HDAC11: variants seen among roughly 807,000 people sequenced by gnomAD.
HDAC11 encodes histone deacetylase 11.
Under a neutral mutation model 41.1 loss-of-function variants are expected in HDAC11, and 23 were observed. That is an observed-to-expected ratio of 0.56 (90% CI 0.40 to 0.79). The LOEUF is 0.79. Ranked by LOEUF, HDAC11 falls within the 30% of genes least tolerant of loss-of-function variation. The pLI is 0.00. For missense variants in HDAC11, 402 were observed against 477.3 expected, an observed-to-expected ratio of 0.84 and a Z score of 1.47; for synonymous variants, 187 against 186.6, an observed-to-expected ratio of 1.00 and a Z score of -0.02.
intron 5 of HDAC11, among the ~76,000 whole-genome samples, chr3:13,499,388 T>C (rs1450064487): frequency 6.6e-6 from 1 of 152,158 alleles, no homozygotes; most frequent in Non-Finnish European, 1.5e-5. Context: ...AGGCTGGGTC[T>C]TGAACTCCCG....
rs1324782038 is a variant in HDAC11 at position 13,500,776 on chromosome 3, C to T, written c.476C>T (p.Thr159Met). 6.4e-6 allele frequency: 10 copies of T among 1,574,490 alleles called. No individual in the cohort carries two copies. The highest frequency in any genetic ancestry group is 7.8e-6 in the Non-Finnish European group (9 of 1,158,186). ...GGGFCAYADI[T>M]LAIKFLFERV... ...GGCTTCTGTGCCTATGCGGACATCA[C>T]GCTCGCCATCAAGGTGTGTCTATGA... The change falls in exon 6 of 10, where the codon ACG (threonine) becomes ATG (methionine). Residue 159 changes from threonine (T) to methionine (M), a missense_variant. Coordinates refer to ENST00000295757, the MANE Select transcript of HDAC11 (RefSeq NM_024827.4).
rs1170082623 is a variant in HDAC11, at chr3:13,481,513, C to T, written c.151+119C>T. ...ATCTTCAGTTTCAGCCCTCGGATGG[C>T]CTTCCACCCATGCTTCCGCCCAAAA... On this transcript the variant is annotated intron_variant, in intron 2 of 9. Transcript: ENST00000295757. The T allele has an allele frequency of 1.3e-5, 15 of 1,125,354 alleles. No homozygotes were observed. The East Asian group carries it at 3.3e-4, about 25-fold the overall frequency. 69.7% of individuals were successfully genotyped at this position (1,125,354 alleles called of 1,614,324 possible). A position where few individuals can be genotyped will look rare whatever the true frequency, so the allele number is the denominator to read the frequency against.
At chr3:13,498,208 C>A (rs1702191354) in intron 4 of HDAC11, among the ~76,000 whole-genome samples, 2 of 152,190 alleles carry the variant, frequency 1.3e-5, no homozygotes, top group South Asian at 4.1e-4. Context: ...CTTTGAAAGC[C>A]ATATCAAAAT....
chr3:13,484,156 G>A (rs950621505), intron 3 of HDAC11, among the ~76,000 whole-genome samples: 7 of 152,124 alleles, frequency 4.6e-5, no homozygotes, highest in Non-Finnish European at 8.8e-5. Flanking sequence ...TAGAGATGTG[G>A]TTTCGCCGTG....
chr3:13,480,498 T>C lies in HDAC11; in HGVS notation c.2+149T>C. On this transcript the variant is annotated intron_variant, in intron 1 of 9. Transcript: ENST00000295757. The surrounding 1 kb of genome is among the most constrained non-coding windows in gnomAD (Gnocchi z 4.6). ...GGTGAGGGACGCTCGGGACGGGTGT[T>C]TCCAGGCCCTCCCGGCGCGCCAGGC... 1 of 389,226 alleles carries C rather than the reference T, an allele frequency of 2.6e-6. No homozygotes were observed. The highest frequency in any genetic ancestry group is 4.2e-6 in the Non-Finnish European group (1 of 238,972). The allele number at this position is 389,226 out of a possible 1,614,324, so 24.1% of individuals were successfully genotyped here.
intron 5 of HDAC11, among the ~76,000 whole-genome samples, chr3:13,500,352 C>A (rs1170460462): frequency 1.3e-5 from 2 of 152,156 alleles, no homozygotes; most frequent in Non-Finnish European, 2.9e-5. Flanking sequence ...TGGCCACTGG[C>A]AGAATCCGTG....
chr3:13,503,415 T>G (rs531047182), intron 8 of HDAC11, among the ~76,000 whole-genome samples: 1 of 152,196 alleles, frequency 6.6e-6, no homozygotes, highest in East Asian at 1.9e-4. Flanking sequence ...AAATACAAAA[T>G]TAGCTGGATG....
At position 13,486,285 on chromosome 3, in the gene HDAC11, A is replaced by G. The variant is rs909493396; in HGVS notation, c.252+2721A>G. The stretch of plus-strand genomic sequence containing the variant: ...TCCATCTCAAAAAAAAAAAAAAAAA[A>G]AAAAGAAAAAGATGAAGAAGTAGTC... On this transcript the variant is annotated intron_variant, in intron 3 of 9. Coordinates refer to ENST00000295757, the MANE Select transcript of HDAC11 (RefSeq NM_024827.4). Among the ~76,000 whole-genome samples the G allele has an allele frequency of 2.0e-3, 304 of 150,814 alleles. 1 individual carries two copies. The highest frequency in any genetic ancestry group is 3.8e-3 in the Non-Finnish European group (256 of 67,718).
At chr3:13,501,715 A>G (rs777559777) in intron 6 of HDAC11, 156 bp from the exon 7 acceptor site, 4 of 740,242 alleles carry the variant, frequency 5.4e-6, no homozygotes, top group African/African-American at 3.4e-5. Flanking sequence ...GGAGCTGCAC[A>G]GCTCTCCCTG....
intron 3 of HDAC11, among the ~76,000 whole-genome samples, chr3:13,490,984 C>T (rs190241762): frequency 6.6e-5 from 10 of 151,690 alleles, no homozygotes; most frequent in African/African-American, 1.9e-4. Flanking sequence ...CTCTTGACCT[C>T]GTGATCTGCC....
At position 13,480,432 on chromosome 3, in the gene HDAC11, G is replaced by A; in HGVS notation, c.2+83G>A. 1 of 885,954 alleles carries A rather than the reference G, an allele frequency of 1.1e-6. No homozygotes were observed. The highest frequency in any genetic ancestry group is 1.5e-6 in the Non-Finnish European group (1 of 684,654). The allele number at this position is 885,954 out of a possible 1,614,324, so 54.9% of individuals were successfully genotyped here. A position where few individuals can be genotyped will look rare whatever the true frequency, so the allele number is the denominator to read the frequency against. On this transcript the variant is annotated intron_variant, in intron 1 of 9. Transcript: ENST00000295757. The surrounding 1 kb of genome is among the most constrained non-coding windows in gnomAD (Gnocchi z 4.6). ...CGCTAGGGCGAGGGCGGGGACGGCCGGGCGGGCGCGCCAGGTAAGGGCCCA... is the reference window on the plus strand; with the variant it reads ...CGCTAGGGCGAGGGCGGGGACGGCCAGGCGGGCGCGCCAGGTAAGGGCCCA...
intron 6 of HDAC11, 107 bp from the exon 7 acceptor site, chr3:13,501,764 A>C (rs1345712770): frequency 1.0e-6 from 1 of 962,784 alleles, no homozygotes; most frequent in Non-Finnish European, 1.7e-6. Context: ...ATTACCCACA[A>C]GCATTAGGCC....
intron 6 of HDAC11, among the ~76,000 whole-genome samples, chr3:13,501,082 G>T (rs760095628): frequency 2.4e-4 from 37 of 152,192 alleles, no homozygotes; most frequent in Non-Finnish European, 4.4e-4. Flanking sequence ...ATATTAAGTT[G>T]TAGGAAGAAG....
At chr3:13,484,285 G>GT (rs1170217575) in intron 3 of HDAC11, among the ~76,000 whole-genome samples, 1 of 152,192 alleles carries the variant, frequency 6.6e-6, no homozygotes, top group Non-Finnish European at 1.5e-5. Flanking sequence ...TTGGGCTGAA[G>GT]TTTAAGACTC....
chr3:13,496,778 A>G lies in HDAC11; in HGVS notation c.295A>G (p.Ile99Val). ...TACCATCACAGAAATCCCCCCCGTT[A>G]TCTTCCTCCCCAACTTCCTTGTGCA... The part of the protein sequence containing the change: ...VATITEIPPV[I>V]FLPNFLVQRK... Residue 99 changes from isoleucine to valine, a missense_variant, in exon 4 of 10, where the codon ATC becomes GTC. Physicochemically the swap from Ile to Val is conservative, Grantham distance 29 (BLOSUM62 3). Transcript: ENST00000295757. 6.2e-7 allele frequency: 1 copy of G among 1,608,232 alleles called. No individual in the cohort carries two copies. The highest frequency in any genetic ancestry group is 8.5e-7 in the Non-Finnish European group (1 of 1,177,394).
chr3:13,492,731 A>G (rs780970141), intron 3 of HDAC11, among the ~76,000 whole-genome samples: 4 of 152,040 alleles, frequency 2.6e-5, no homozygotes, highest in African/African-American at 4.8e-5. Flanking sequence ...TTTAATGGAC[A>G]CCAGATTTCA....
At chr3:13,481,168 A>G in intron 1 of HDAC11, 78 bp from the exon 2 acceptor site, 1 of 1,466,740 alleles carries the variant, frequency 6.8e-7, no homozygotes, top group South Asian at 1.3e-5. Context: ...CTGGTGGGTC[A>G]GTCCAGGCGG....
At position 13,500,742 on chromosome 3, in the gene HDAC11, C is replaced by T. The variant is rs767824703; in HGVS notation, c.442C>T (p.Arg148Cys). Residue 148 changes from arginine to cysteine, a missense_variant, in exon 6 of 10, where the codon CGT (arginine) becomes TGT (cysteine). Coordinates refer to ENST00000295757, the MANE Select transcript of HDAC11 (RefSeq NM_024827.4). ...TGGCTTCCACCACTGCTCCAGCGACCGTGGCGGGGGCTTCTGTGCCTATGC... is the reference window on the plus strand; with the variant it reads ...TGGCTTCCACCACTGCTCCAGCGACTGTGGCGGGGGCTTCTGTGCCTATGC... ...GGGFHHCSSD[R>C]GGGFCAYADI... 6.3e-6 allele frequency: 10 copies of T among 1,597,172 alleles called. No individual in the cohort carries two copies. Among genetic ancestry groups the T allele is most frequent in the East Asian group, 4.5e-5 (2 of 44,368 alleles).
At chr3:13,499,129 G>T (rs902795094) in intron 5 of HDAC11, among the ~76,000 whole-genome samples, 2 of 152,228 alleles carry the variant, frequency 1.3e-5, no homozygotes, top group African/African-American at 4.8e-5. Context: ...CCCTCCTGGA[G>T]GCACAGCACT....
Sources: gnomAD v4.1 joint callset for allele counts (sites outside exome capture counted in the v4.1 genomes callset) on GRCh38, gnomAD v4.1.1 for gene constraint, Gnocchi (gnomAD v3.1) non-coding constraint, MANE v1.5 for transcripts, NCBI Gene and HGNC (gene_info 2026-07-23, HGNC 2026-07-21) for gene names.